The following PAK5 variants were observed in gnomAD, a reference collection of about 807,000 sequenced individuals.
PAK5 encodes the protein p21 (RAC1) activated kinase 5, also known as serine/threonine-protein kinase PAK 5.
PAK5 carries 16 observed loss-of-function variants against 65.9 expected under a neutral mutation model. That is an observed-to-expected ratio of 0.24 (90% CI 0.16 to 0.37). The LOEUF (loss-of-function observed/expected upper bound fraction) is 0.37. PAK5 is among the 10% of genes least tolerant of loss of function. PAK5 has a pLI of 1.00. For missense variants in PAK5, 785 were observed against 903.9 expected (o/e 0.87, Z 1.69); for synonymous variants, 371 against 354.9 (o/e 1.05, Z -0.51).
At chr20:9,578,839 T>C (rs1206873342) in intron 4 of PAK5, among the ~76,000 whole-genome samples, 3 of 152,050 alleles carry the variant, frequency 2.0e-5, no homozygotes, top group Non-Finnish European at 4.4e-5. Context: ...ATCCTGAGTG[T>C]GGGTGTTCAA....
chr20:9,799,811 T>A (rs2049146908), intron 1 of PAK5, among the ~76,000 whole-genome samples: 1 of 151,332 alleles, frequency 6.6e-6, no homozygotes, highest in Non-Finnish European at 1.5e-5. Flanking sequence ...TGTGATGGTG[T>A]GCGCCTATAG....
intron 1 of PAK5, among the ~76,000 whole-genome samples, chr20:9,728,864 C>T (rs1267246336): frequency 2.0e-5 from 3 of 151,762 alleles, no homozygotes; most frequent in South Asian, 2.1e-4. Flanking sequence ...GGAATTAAGT[C>T]GTAGTGACAG....
Position 9,580,153 on chromosome 20 carries a change from T to G in PAK5, c.982A>C (p.Ile328Leu). 6.2e-7 allele frequency: 1 copy of G among 1,605,548 alleles called. No individual in the cohort carries two copies. The highest frequency in any genetic ancestry group is 8.5e-7 in the Non-Finnish European group (1 of 1,173,176). Residue 328 changes from isoleucine to leucine, a missense_variant, in exon 4 of 10, where the codon ATT becomes CTT. Transcript: ENST00000353224. ...GAGGTAGCAAACGTTACCTTTGGAA[T>G]GCACATTGTGGGCTCGGACAAGCGA... ...YPRLSEPTMC[I>L]PKVDYDRAQM...
intron 2 of PAK5, among the ~76,000 whole-genome samples, chr20:9,658,281 C>T (rs1035516348): frequency 6.6e-6 from 1 of 152,176 alleles, no homozygotes; most frequent in Non-Finnish European, 1.5e-5. Context: ...TTGAGTGGTT[C>T]TTATGGTCTT....
chr20:9,641,803 C>G (rs551195874), intron 3 of PAK5, among the ~76,000 whole-genome samples: 3 of 152,304 alleles, frequency 2.0e-5, no homozygotes, highest in East Asian at 1.9e-4. Context: ...CTGGGGGACT[C>G]AGTACACCCT....
chr20:9,688,608 C>A (rs370652465), intron 2 of PAK5, among the ~76,000 whole-genome samples: 24 of 151,734 alleles, frequency 1.6e-4, no homozygotes, highest in African/African-American at 5.3e-4. Context: ...AAGCCAGGGA[C>A]AAGCAGAGAC....
chr20:9,618,915 G>GTTTTTTTTTTTTTTT (rs150725498), intron 3 of PAK5, among the ~76,000 whole-genome samples: 1 of 18,838 alleles, frequency 5.3e-5, no homozygotes, highest in Non-Finnish European at 9.0e-5. Context: ...TCTTTCTTTC[G>GTTTTTTTTTTTTTTT]TTTTTTTTTT....
chr20:9,702,744 T>C (rs2047955845), intron 2 of PAK5, among the ~76,000 whole-genome samples: 1 of 152,180 alleles, frequency 6.6e-6, no homozygotes, highest in Non-Finnish European at 1.5e-5. Context: ...GTTAGATCCC[T>C]GTGGCTCAAG....
intron 1 of PAK5, among the ~76,000 whole-genome samples, chr20:9,823,210 G>T (rs2049443603): frequency 6.6e-6 from 1 of 152,164 alleles, no homozygotes; most frequent in African/African-American, 2.4e-5. Flanking sequence ...ATGCCATCTT[G>T]AACAGAGGAG....
intron 2 of PAK5, among the ~76,000 whole-genome samples, chr20:9,710,447 C>G (rs1214976799): frequency 6.6e-6 from 1 of 152,010 alleles, no homozygotes; most frequent in African/African-American, 2.4e-5. Flanking sequence ...CGCAAATAGA[C>G]AGCATACCCT....
intron 2 of PAK5, among the ~76,000 whole-genome samples, chr20:9,709,191 C>T (rs2123482533): frequency 6.6e-6 from 1 of 152,270 alleles, no homozygotes; most frequent in Admixed American, 6.5e-5. Flanking sequence ...GATGACAAGA[C>T]TAATCACAGA....
At chr20:9,835,156 A>C (rs552667974) in intron 1 of PAK5, among the ~76,000 whole-genome samples, 3 of 152,380 alleles carry the variant, frequency 2.0e-5, no homozygotes, top group Admixed American at 1.3e-4. Context: ...TATGAGGCAG[A>C]GTATTCGTTC....
At chr20:9,763,643 T>G (rs867210188) in intron 1 of PAK5, among the ~76,000 whole-genome samples, 1 of 152,032 alleles carries the variant, frequency 6.6e-6, no homozygotes, top group Admixed American at 6.6e-5. Flanking sequence ...TTAGCAAATA[T>G]GACAGGAGTG....
chr20:9,702,279 T>C (rs769342846), intron 2 of PAK5, among the ~76,000 whole-genome samples: 1 of 152,050 alleles, frequency 6.6e-6, no homozygotes, highest in Non-Finnish European at 1.5e-5. Context: ...AGACAGCCAA[T>C]GTTTCTGACT....
intron 1 of PAK5, among the ~76,000 whole-genome samples, chr20:9,739,271 T>C (rs994846130): frequency 6.6e-6 from 1 of 150,876 alleles, no homozygotes; most frequent in Non-Finnish European, 1.5e-5. Context: ...ATTTTCTAAG[T>C]GCTCACTGAC....
In PAK5 at chr20:9,838,354, G is replaced by A. The variant is rs1979324973; in HGVS notation, c.-162+408C>T. Among the ~76,000 whole-genome samples the A allele has an allele frequency of 6.6e-6, 1 of 152,140 alleles. No homozygotes were observed. The highest frequency in any genetic ancestry group is 1.5e-5 in the Non-Finnish European group (1 of 68,030). On this transcript the variant is annotated intron_variant, in intron 1 of 9. Transcript: ENST00000353224. The surrounding 1 kb of genome is among the most constrained non-coding windows in gnomAD (Gnocchi z 4.5). ...TCCAACACTTCTCGGGAAAAGCAGC[G>A]CCGTGGCACCCCCAGGGCGTGCGCT...
intron 1 of PAK5, among the ~76,000 whole-genome samples, chr20:9,729,583 A>T (rs1472395748): frequency 6.6e-6 from 1 of 152,196 alleles, no homozygotes; most frequent in Non-Finnish European, 1.5e-5. Flanking sequence ...GGGAAAGCTC[A>T]TTAGAATGAG....
chr20:9,540,749 T>C (rs1428765059), intron 9 of PAK5, among the ~76,000 whole-genome samples: 3 of 151,888 alleles, frequency 2.0e-5, no homozygotes, highest in Admixed American at 6.6e-5. Flanking sequence ...TTTTTTTTTT[T>C]TTTTGGAGAC....
At chr20:9,611,181 T>C (rs1334385181) in intron 3 of PAK5, among the ~76,000 whole-genome samples, 1 of 152,252 alleles carries the variant, frequency 6.6e-6, no homozygotes, top group Admixed American at 6.5e-5. Context: ...TTTGCCTGCA[T>C]AGGCAGAGAA....
Sources: gnomAD v4.1 joint callset for allele counts (sites outside exome capture counted in the v4.1 genomes callset) on GRCh38, gnomAD v4.1.1 for gene constraint, Gnocchi (gnomAD v3.1) non-coding constraint, MANE v1.5 for transcripts, NCBI Gene and HGNC (gene_info 2026-07-23, HGNC 2026-07-21) for gene names.